Variants in STK10 observed in about 807,000 individuals in gnomAD.
STK10 encodes serine/threonine kinase 10, also known as serine/threonine-protein kinase 10.
STK10 carries 78 observed loss-of-function variants against 113.8 expected under a neutral mutation model. That is an observed-to-expected ratio of 0.69 (90% confidence interval 0.57 to 0.83). The LOEUF (loss-of-function observed/expected upper bound fraction) is 0.83. Ranked by LOEUF, STK10 falls within the 40% of genes least tolerant of loss-of-function variation. STK10 has a pLI of 0.00. For missense variants in STK10, 1,109 were observed against 1,280.1 expected, an observed-to-expected ratio of 0.87 and a Z score of 2.04; for synonymous variants, 465 against 494.7, an observed-to-expected ratio of 0.94 and a Z score of 0.80.
rs1338685570 is a variant in STK10, at chr5:172,044,896, C to A, written c.2893G>T (p.Ala965Ser). The A allele has an allele frequency of 6.2e-7, 1 of 1,614,212 alleles. No homozygotes were observed. The change falls in exon 19 of 19, where the codon GCG becomes TCG. Residue 965 changes from alanine (A) to serine (S), a missense_variant. Ala to Ser is a moderately conservative substitution (Grantham distance 99). Around this residue, in one of 5 missense-constraint regions of STK10, gnomAD observed 885 missense variants for 991.1 expected, o/e 0.89. Transcript: ENST00000176763. The surrounding 1 kb of genome is among the most constrained non-coding windows in gnomAD (Gnocchi z 4.5). ...KAAKFFPYSS[A>S]DAS Reference sequence around the variant, plus strand: ...CCGGGCGGTTGTTAAGAAGCATCCGCAGAACTGTAGGGGAAGAACTTGGCG... The same window carrying A: ...CCGGGCGGTTGTTAAGAAGCATCCGAAGAACTGTAGGGGAAGAACTTGGCG...
At chr5:172,134,868 G>A (rs915518303) in intron 2 of STK10, among the ~76,000 whole-genome samples, 2 of 151,332 alleles carry the variant, frequency 1.3e-5, no homozygotes. Flanking sequence ...AGAATGCAGC[G>A]TGCAATAATT....
intron 12 of STK10, among the ~76,000 whole-genome samples, chr5:172,080,943 G>A (rs192664731): frequency 1.3e-5 from 2 of 152,168 alleles, no homozygotes; most frequent in Non-Finnish European, 2.9e-5. Context: ...AGAAGTCAAT[G>A]CCTGGCTTCA....
At chr5:172,172,563 T>C (rs1269853574) in intron 1 of STK10, among the ~76,000 whole-genome samples, 1 of 152,230 alleles carries the variant, frequency 6.6e-6, no homozygotes, top group African/African-American at 2.4e-5. Flanking sequence ...AGAGGCACTA[T>C]TGTCCCTATT....
At chr5:172,089,037 C>T (rs908894123) in intron 10 of STK10, among the ~76,000 whole-genome samples, 5 of 152,178 alleles carry the variant, frequency 3.3e-5, no homozygotes, top group African/African-American at 1.2e-4. Flanking sequence ...GCCACTGCCC[C>T]AGCCTGAGCC....
At chr5:172,078,415 A>G (rs1768357380) in intron 12 of STK10, among the ~76,000 whole-genome samples, 2 of 152,118 alleles carry the variant, frequency 1.3e-5, no homozygotes, top group African/African-American at 4.8e-5. Context: ...ACAGTTTGGG[A>G]GGCCGAGGCA....
intron 1 of STK10, among the ~76,000 whole-genome samples, chr5:172,159,531 A>C (rs1006022273): frequency 6.6e-6 from 1 of 152,006 alleles, no homozygotes; most frequent in Non-Finnish European, 1.5e-5. Flanking sequence ...GACAGGAAAA[A>C]AAGAAAACAG....
intron 2 of STK10, among the ~76,000 whole-genome samples, chr5:172,147,449 T>C (rs1197796804): frequency 2.0e-5 from 3 of 151,912 alleles, no homozygotes; most frequent in Non-Finnish European, 4.4e-5. Flanking sequence ...TGGAGGGCAG[T>C]GGCACAATCT....
intron 2 of STK10, among the ~76,000 whole-genome samples, chr5:172,135,454 G>A (rs1169146952): frequency 1.3e-5 from 2 of 152,150 alleles, no homozygotes; most frequent in Non-Finnish European, 2.9e-5. Context: ...GGAGGTTGCA[G>A]TGAGCCAAGA....
Position 172,187,795 on chromosome 5 carries a change from A to G in STK10, c.156+92T>C, listed in dbSNP as rs1389126372. Reference sequence around the variant, plus strand: ...GAATTCAGCGCCGGGCAGCCCTCGGAGCCGGAGCCAGGCTGGCCGGGTCCG... The same window carrying G: ...GAATTCAGCGCCGGGCAGCCCTCGGGGCCGGAGCCAGGCTGGCCGGGTCCG... On this transcript the variant is annotated intron_variant, in intron 1 of 18. Coordinates refer to ENST00000176763, the MANE Select transcript of STK10 (RefSeq NM_005990.4). This position sits in a 1 kb window ranked among gnomAD's most constrained non-coding sequence, Gnocchi z 4.6. The G allele has an allele frequency of 2.0e-6, 3 of 1,533,846 alleles. No homozygotes were observed. Among genetic ancestry groups the G allele is most frequent in the Non-Finnish European group, 2.6e-6 (3 of 1,137,826 alleles).
chr5:172,179,476 G>A (rs538687520), intron 1 of STK10, among the ~76,000 whole-genome samples: 5 of 152,338 alleles, frequency 3.3e-5, no homozygotes, highest in East Asian at 1.9e-4. Context: ...CAGGCCACAG[G>A]AGAGTCCTAG....
At chr5:172,142,207 T>TA (rs1280762952) in intron 2 of STK10, among the ~76,000 whole-genome samples, 8 of 152,132 alleles carry the variant, frequency 5.3e-5, no homozygotes, top group South Asian at 2.1e-4. Context: ...AGTGTCCACT[T>TA]AGAGTTGCCG....
At chr5:172,110,085 G>A (rs1057087753) in intron 4 of STK10, among the ~76,000 whole-genome samples, 1 of 152,220 alleles carries the variant, frequency 6.6e-6, no homozygotes, top group Non-Finnish European at 1.5e-5. Context: ...TGCTCACCAG[G>A]CTCCATCAGG....
chr5:172,175,413 C>G (rs1431896657), intron 1 of STK10, among the ~76,000 whole-genome samples: 1 of 152,046 alleles, frequency 6.6e-6, no homozygotes, highest in African/African-American at 2.4e-5. Flanking sequence ...AGAAGGAAGC[C>G]TTTCAGCACT....
chr5:172,090,316 A>G lies in STK10; in HGVS notation c.1601T>C (p.Val534Ala). Residue 534 changes from valine to alanine, a missense_variant, in exon 10 of 19, where the codon GTG (valine) becomes GCG (alanine). Physicochemically the swap from Val to Ala is moderately conservative, Grantham distance 64. This residue lies in a region of STK10 where 885 missense variants were observed against 991.1 expected (regional missense o/e 0.89). Coordinates refer to ENST00000176763, the MANE Select transcript of STK10 (RefSeq NM_005990.4). ...GATGCTCACCTCCACACCATCCACC[A>G]CAAATTTGCGTGTCCGCTTGAGGGT... ...KKTLKRTRKF[V>A]VDGVEVSITT... 1 of 1,613,978 alleles carries G rather than the reference A, an allele frequency of 6.2e-7. No homozygotes were observed. The highest frequency in any genetic ancestry group is 1.1e-5 in the South Asian group (1 of 91,048).
At chr5:172,102,662 G>A (rs1012007569) in intron 7 of STK10, among the ~76,000 whole-genome samples, 4 of 152,130 alleles carry the variant, frequency 2.6e-5, no homozygotes, top group Non-Finnish European at 5.9e-5. Context: ...TGGTGCTGTT[G>A]ATGTGTTCAG....
At chr5:172,185,610 A>C (rs187151326) in intron 1 of STK10, among the ~76,000 whole-genome samples, 2 of 152,260 alleles carry the variant, frequency 1.3e-5, no homozygotes, top group African/African-American at 4.8e-5. Flanking sequence ...CACCAACTGA[A>C]CCTTCTGGAG....
intron 7 of STK10, among the ~76,000 whole-genome samples, chr5:172,103,347 T>G (rs1477582401): frequency 2.6e-5 from 4 of 152,238 alleles, no homozygotes; most frequent in African/African-American, 4.8e-5. Context: ...GATCGCTCCT[T>G]TGTTCTGCAA....
chr5:172,066,394 A>C (rs1768070067), intron 12 of STK10, among the ~76,000 whole-genome samples: 1 of 152,138 alleles, frequency 6.6e-6, no homozygotes, highest in African/African-American at 2.4e-5. Context: ...TGCAGTAGAA[A>C]AGCTGGCTAA....
At chr5:172,116,067 TTTTTTGTTTTTG>T (rs538581229) in intron 4 of STK10, among the ~76,000 whole-genome samples, 3 of 152,092 alleles carry the variant, frequency 2.0e-5, no homozygotes, top group Admixed American at 6.6e-5. Flanking sequence ...TGTTGTTTGT[TTTTTTGTTTTTG>T]TTTTTGTTTT....
Sources: allele counts gnomAD v4.1 joint callset (sites outside exome capture counted in the v4.1 genomes callset), GRCh38; gene constraint gnomAD v4.1.1; regional missense constraint gnomAD v4.1.1; non-coding constraint Gnocchi (gnomAD v3.1); transcripts MANE v1.5; gene names NCBI Gene and HGNC (gene_info 2026-07-23, HGNC 2026-07-21).